Variants in CPE observed in about 807,000 individuals in gnomAD.
CPE encodes the protein carboxypeptidase E.
CPE carries 17 observed loss-of-function variants against 53.5 expected under a neutral mutation model. The observed-to-expected ratio is 0.32, with a 90% CI of 0.22 to 0.48. CPE has a LOEUF of 0.48. Ranked by LOEUF, CPE falls within the 20% of genes least tolerant of loss-of-function variation. The probability of loss-of-function intolerance (pLI) is 0.99; values close to 1 mark genes in which losing one functional copy is unlikely to be tolerated. For synonymous variants in CPE, 226 were observed against 228.8 expected (o/e 0.99, Z 0.11); for missense variants, 524 against 614.7 (o/e 0.85, Z 1.56).
rs1469586978 is a variant in CPE, at chr4:165,385,406, C to T, written c.307+5878C>T. 2.2e-5 allele frequency among the ~76,000 whole-genome samples: 3 copies of T among 136,808 alleles called. No individual in the cohort carries two copies. In the East Asian group the frequency reaches 6.1e-4, roughly 28 times the overall value. 89.8% of individuals were successfully genotyped at this position (136,808 alleles called of 152,430 possible). On this transcript the variant is annotated intron_variant, in intron 1 of 8. Transcript: ENST00000402744. ...TTGATAGCCCTGAAGGACTTTTTCC[C>T]TCTTCTTACTGTTTTATTTTTGTTC...
intron 3 of CPE, among the ~76,000 whole-genome samples, chr4:165,480,252 T>G (rs1353254348): frequency 1.3e-5 from 2 of 152,152 alleles, no homozygotes; most frequent in Non-Finnish European, 2.9e-5. Flanking sequence ...TTTCTGTACC[T>G]TACAGGAATG....
chr4:165,399,236 T>G (rs1257667930), intron 1 of CPE, among the ~76,000 whole-genome samples: 1 of 152,224 alleles, frequency 6.6e-6, no homozygotes, highest in African/African-American at 2.4e-5. Flanking sequence ...CAGTTTTTCT[T>G]TTACTTTTGA....
chr4:165,408,068 C>G (rs1730980460), intron 1 of CPE, among the ~76,000 whole-genome samples: 1 of 152,126 alleles, frequency 6.6e-6, no homozygotes, highest in Non-Finnish European at 1.5e-5. Flanking sequence ...AGCCCCTTAT[C>G]AGATATACAA....
intron 1 of CPE, among the ~76,000 whole-genome samples, chr4:165,448,651 C>A (rs1435023310): frequency 6.6e-6 from 1 of 152,110 alleles, no homozygotes; most frequent in Non-Finnish European, 1.5e-5. Context: ...AAAAACCCTT[C>A]TTTTATCATT....
rs58058891 is a variant in CPE at position 165,422,976 on chromosome 4, CAAAAAAA to C, written c.308-41399_308-41393del. The stretch of plus-strand genomic sequence containing the variant: ...TGGGCGACAGAACGAAACTCTGTCT[CAAAAAAA>C]AAAAAAAAAAAAAAGATATACACTG... On this transcript the variant is annotated intron_variant, in intron 1 of 8. Transcript: ENST00000402744. Among the ~76,000 whole-genome samples the C allele has an allele frequency of 5.2e-5, 4 of 77,032 alleles. No individual in the cohort carries two copies. The East Asian group carries it at 1.2e-3, about 23-fold the overall frequency. 50.5% of individuals were successfully genotyped at this position (77,032 alleles called of 152,430 possible). A position where few individuals can be genotyped will look rare whatever the true frequency, so the allele number is the denominator to read the frequency against.
At chr4:165,381,950 C>T (rs772495449) in intron 1 of CPE, among the ~76,000 whole-genome samples, 2 of 152,190 alleles carry the variant, frequency 1.3e-5, no homozygotes, top group Non-Finnish European at 2.9e-5. Context: ...GTGGACCAGG[C>T]GTCTGTGAGT....
intron 1 of CPE, among the ~76,000 whole-genome samples, chr4:165,456,107 C>T (rs1376842667): frequency 1.3e-5 from 2 of 151,990 alleles, no homozygotes; most frequent in Non-Finnish European, 2.9e-5. Context: ...ATTATATTGC[C>T]TTTTTATTGT....
chr4:165,485,462 T>C (rs1409759253), intron 5 of CPE, among the ~76,000 whole-genome samples: 2 of 152,196 alleles, frequency 1.3e-5, no homozygotes, highest in Non-Finnish European at 2.9e-5. Flanking sequence ...GATTTTTTTC[T>C]TTCTGATACA....
At chr4:165,404,028 G>C in intron 1 of CPE, 1 of 837,008 alleles carries the variant, frequency 1.2e-6, no homozygotes, top group South Asian at 1.3e-5. Flanking sequence ...CCGGCAGCTG[G>C]GGTTAGTGCA....
At chr4:165,441,986 C>G (rs1263309691) in intron 1 of CPE, among the ~76,000 whole-genome samples, 2 of 147,798 alleles carry the variant, frequency 1.4e-5, no homozygotes, top group Non-Finnish European at 3.0e-5. Context: ...CAAATTTTTC[C>G]AGTTAAAGTT....
chr4:165,413,745 G>A (rs943855919), intron 1 of CPE, among the ~76,000 whole-genome samples: 1 of 152,164 alleles, frequency 6.6e-6, no homozygotes, highest in African/African-American at 2.4e-5. Context: ...AACCAACACA[G>A]CTCAAGAGGT....
At chr4:165,388,301 T>C (rs1322010948) in intron 1 of CPE, among the ~76,000 whole-genome samples, 1 of 152,206 alleles carries the variant, frequency 6.6e-6, no homozygotes, top group African/African-American at 2.4e-5. Context: ...TTTTCTTTTT[T>C]TAGCCAAGTG....
chr4:165,490,419 G>T (rs1004982726), intron 6 of CPE, among the ~76,000 whole-genome samples: 1 of 151,844 alleles, frequency 6.6e-6, no homozygotes, highest in African/African-American at 2.4e-5. Flanking sequence ...AGATCATGAG[G>T]TCAGGAGATC....
In CPE at chr4:165,484,426, T is replaced by C; in HGVS notation, c.795T>C (p.Ser265=). ...TCTTGTGGATTTGTTTTCTAGGTAG[T>C]GCTCACGAATACAGCTCCTCCCCAG... ...NYPYDETRSG[S]AHEYSSSPDD... is the part of the protein sequence containing the mutation. Residue 265 remains serine, a synonymous_variant, in exon 5 of 9, where the codon AGT becomes AGC. Coordinates refer to ENST00000402744, the MANE Select transcript of CPE (RefSeq NM_001873.4). 1.9e-6 allele frequency: 3 copies of C among 1,613,580 alleles called. No individual in the cohort carries two copies. Among genetic ancestry groups the C allele is most frequent in the Non-Finnish European group, 2.5e-6 (3 of 1,179,650 alleles).
chr4:165,397,809 C>T (rs1021534201), intron 1 of CPE, among the ~76,000 whole-genome samples: 6 of 151,264 alleles, frequency 4.0e-5, no homozygotes, highest in Admixed American at 2.0e-4. Context: ...GGGAGGCCAA[C>T]GTGGGAGGAT....
At chr4:165,476,544 T>C (rs950885389) in intron 3 of CPE, among the ~76,000 whole-genome samples, 24 of 152,032 alleles carry the variant, frequency 1.6e-4, no homozygotes, top group African/African-American at 5.1e-4. Flanking sequence ...TGAGATCTTA[T>C]TGGGAAGCTG....
chr4:165,464,502 G>C lies in CPE; in HGVS notation c.420G>C (p.Glu140Asp). 6.2e-7 allele frequency: 1 copy of C among 1,613,954 alleles called. No homozygotes were observed. The highest frequency in any genetic ancestry group is 8.5e-7 in the Non-Finnish European group (1 of 1,179,928). The stretch of plus-strand genomic sequence containing the variant: ...GCAACGAATACCAGAAGGGGAACGA[G>C]ACAATTGTCAACCTGATCCACAGTA... ...YLCNEYQKGN[E>D]TIVNLIHSTR... is the part of the protein sequence containing the mutation. The change falls in exon 2 of 9, where the codon GAG becomes GAC. Residue 140 changes from glutamate (E) to aspartate (D), a missense_variant. Glu to Asp is a conservative substitution (Grantham distance 45). Coordinates refer to ENST00000402744, the MANE Select transcript of CPE (RefSeq NM_001873.4).
At chr4:165,390,109 A>G (rs1383171737) in intron 1 of CPE, among the ~76,000 whole-genome samples, 1 of 152,242 alleles carries the variant, frequency 6.6e-6, no homozygotes, top group Non-Finnish European at 1.5e-5. Context: ...AAATAGTTAT[A>G]TCAATCCATA....
At chr4:165,402,874 T>C (rs989657084) in intron 1 of CPE, among the ~76,000 whole-genome samples, 1 of 152,198 alleles carries the variant, frequency 6.6e-6, no homozygotes, top group African/African-American at 2.4e-5. Context: ...ACCTGAAGAA[T>C]GTGGCAAGTG....
Sources: gnomAD v4.1 joint callset for allele counts (sites outside exome capture counted in the v4.1 genomes callset) on GRCh38, gnomAD v4.1.1 for gene constraint, MANE v1.5 for transcripts, NCBI Gene and HGNC (gene_info 2026-07-23, HGNC 2026-07-21) for gene names.